The following COL1A1 variants were observed in gnomAD, a reference collection of about 807,000 sequenced individuals.
The protein encoded by COL1A1 is collagen type I alpha 1 chain, also known as collagen alpha-1(I) chain.
Under a neutral mutation model 195.7 loss-of-function variants are expected in COL1A1, and 21 were observed. The observed-to-expected ratio is 0.11, with a 90% CI of 0.08 to 0.15. The LOEUF (loss-of-function observed/expected upper bound fraction) is 0.15. Ranked by LOEUF, COL1A1 falls within the 10% of genes least tolerant of loss-of-function variation. The probability of loss-of-function intolerance (pLI) is 1.00; values close to 1 mark genes in which losing one functional copy is unlikely to be tolerated. For synonymous variants in COL1A1, 749 were observed against 747.3 expected (o/e 1.00, Z -0.04); for missense variants, 1,365 against 2,051.0 (o/e 0.67, Z 6.46).
Position 50,194,253 on chromosome 17 carries a change from G to C in COL1A1, c.1615-70C>G. On this transcript the variant is annotated intron_variant, in intron 23 of 50. Transcript: ENST00000225964. This position sits in a 1 kb window ranked among gnomAD's most constrained non-coding sequence, Gnocchi z 6.8. Reference sequence around the variant, plus strand: ...ATGGAGGTGGGGGAGGACTCCAGAGGGCAGACCCTTGGGCCTGATCCAGAA... The same window carrying C: ...ATGGAGGTGGGGGAGGACTCCAGAGCGCAGACCCTTGGGCCTGATCCAGAA... 1 of 1,589,700 alleles carries C rather than the reference G, an allele frequency of 6.3e-7. No homozygotes were observed.
rs1369038196 is a variant in COL1A1 at position 50,188,886 on chromosome 17, G to A, written c.3045+17C>T. ...GCCATGCTGAGGGTACTGGCATGGG[G>A]GCTGGGGACTGCTCACCTCACGTCC... is the stretch of plus-strand genomic sequence containing the variant. On this transcript the variant is annotated intron_variant, in intron 41 of 50. Coordinates refer to ENST00000225964, the MANE Select transcript of COL1A1 (RefSeq NM_000088.4). The surrounding 1 kb of genome is among the most constrained non-coding windows in gnomAD (Gnocchi z 5.6). 1 of 1,572,044 alleles carries A rather than the reference G, an allele frequency of 6.4e-7. No homozygotes were observed. The highest frequency in any genetic ancestry group is 1.1e-5 in the South Asian group (1 of 90,284).
rs1371248752 is a variant in COL1A1, at chr17:50,195,604, G to A, written c.1118C>T (p.Pro373Leu). Residue 373 changes from proline to leucine, a missense_variant, in exon 17 of 51, where the codon CCT becomes CTT. Physicochemically the swap from Pro to Leu is moderately conservative, Grantham distance 98. Transcript: ENST00000225964. The surrounding 1 kb of genome is among the most constrained non-coding windows in gnomAD (Gnocchi z 4.3). ...SEGPQGVRGE[P>L]GPPGPAGAAG... ...AGCACCAGCAGGGCCAGGGGGGCCA[G>A]GCTCACCACGCACACCCTGGGGACC... The A allele has an allele frequency of 6.2e-7, 1 of 1,614,032 alleles. No individual in the cohort carries two copies.
rs1402939428 is a variant in COL1A1, at chr17:50,190,075, G to T, written c.2485C>A (p.Pro829Thr). Residue 829 changes from proline to threonine, a missense_variant, in exon 36 of 51, where the codon CCT becomes ACT. By Grantham distance (38) the Pro-to-Thr change is conservative. Transcript: ENST00000225964. This position sits in a 1 kb window ranked among gnomAD's most constrained non-coding sequence, Gnocchi z 4.7. ...TCGCCTTTAGCACCAGCATCACCAGGTTCGCCTTTAGCACCAGGTTGGCCG... is the reference window on the plus strand; with the variant it reads ...TCGCCTTTAGCACCAGCATCACCAGTTTCGCCTTTAGCACCAGGTTGGCCG... ...ADGQPGAKGE[P>T]GDAGAKGDAG... 1 of 1,613,846 alleles carries T rather than the reference G, an allele frequency of 6.2e-7. No homozygotes were observed. The highest frequency in any genetic ancestry group is 8.5e-7 in the Non-Finnish European group (1 of 1,179,950).
intron 5 of COL1A1, chr17:50,198,833 TG>T: frequency 2.3e-6 from 1 of 430,528 alleles, no homozygotes. Flanking sequence ...GATCCCAGAT[TG>T]GGGTGGTGGG....
intron 29 of COL1A1, 157 bp from the exon 30 acceptor site, chr17:50,192,181 T>C: frequency 1.2e-6 from 1 of 841,590 alleles, no homozygotes; most frequent in Non-Finnish European, 1.9e-6. Context: ...CCTCTCTTCC[T>C]CCTAGGGATG....
At position 50,198,466 on chromosome 17, in the gene COL1A1, T is replaced by C; in HGVS notation, c.510A>G (p.Lys170=). The C allele has an allele frequency of 3.1e-6, 5 of 1,613,540 alleles. No homozygotes were observed. In the South Asian group the frequency reaches 5.5e-5, roughly 18 times the overall value. ...CAGGCACGGAAATTCCTCCGGTTGA[T>C]TTCTCATCATAGCCATAAGACAGCT... ...APQLSYGYDE[K]STGGISVPGP... is the part of the protein sequence containing the mutation. Residue 170 remains lysine, a synonymous_variant, in exon 6 of 51, where the codon AAA becomes AAG. Transcript: ENST00000225964.
rs1598283350 is a variant in COL1A1 at position 50,185,434 on chromosome 17, C to T, written c.*68G>A. The T allele has an allele frequency of 3.7e-6, 6 of 1,600,044 alleles. No individual in the cohort carries two copies. The highest frequency in any genetic ancestry group is 1.1e-5 in the South Asian group (1 of 90,754). ...TTTTGAGGGGGTTCAGTTTGGGTTG[C>T]TTGTCTGTTTCCGGGTTGGGGGGAA... On this transcript the variant is annotated 3_prime_UTR_variant, in exon 51 of 51. Coordinates refer to ENST00000225964, the MANE Select transcript of COL1A1 (RefSeq NM_000088.4).
intron 25 of COL1A1, 79 bp from the exon 26 acceptor site, chr17:50,193,126 T>A: frequency 7.1e-7 from 1 of 1,417,902 alleles, no homozygotes. Flanking sequence ...TTACTCTGAG[T>A]GGGACTTTTT....
rs766096094 is a variant in COL1A1 at position 50,196,268 on chromosome 17, C to T, written c.957+46G>A. On this transcript the variant is annotated intron_variant, in intron 14 of 50. Coordinates refer to ENST00000225964, the MANE Select transcript of COL1A1 (RefSeq NM_000088.4). Reference sequence around the variant, plus strand: ...GCCAGTCCCTAGAGTTCCTGGGGAGCCCCTTCCAGAGCTCAGGGATCCCCC... The same window carrying T: ...GCCAGTCCCTAGAGTTCCTGGGGAGTCCCTTCCAGAGCTCAGGGATCCCCC... 14 of 1,610,052 alleles carry T rather than the reference C, an allele frequency of 8.7e-6. No homozygotes were observed. The Admixed American group carries it at 1.2e-4, about 14-fold the overall frequency.
intron 32 of COL1A1, 29 bp downstream of exon 32, chr17:50,191,354 G>A: frequency 1.3e-6 from 2 of 1,587,090 alleles, no homozygotes; most frequent in South Asian, 1.1e-5. Context: ...GCCATGTAGG[G>A]CTCAGGGGAG....
In COL1A1 at chr17:50,186,917, G is replaced by A; in HGVS notation, c.3537C>T (p.Pro1179=). Residue 1179 remains proline (P), a synonymous_variant, in exon 48 of 51, where the codon CCC becomes CCT. Transcript: ENST00000225964. The surrounding 1 kb of genome is among the most constrained non-coding windows in gnomAD (Gnocchi z 5.3). The part of the protein sequence containing the change: ...GRTGDAGPVG[P]PGPPGPPGPP... Reference sequence around the variant, plus strand: ...GACCAGGAGGTCCAGGAGGGCCGGGGGGACCCTGCACAGAGAGGGAAGAGA... The same window carrying A: ...GACCAGGAGGTCCAGGAGGGCCGGGAGGACCCTGCACAGAGAGGGAAGAGA... 1.2e-6 allele frequency: 2 copies of A among 1,613,840 alleles called. No individual in the cohort carries two copies. Among genetic ancestry groups the A allele is most frequent in the Non-Finnish European group, 1.7e-6 (2 of 1,179,902 alleles).
At position 50,199,609 on chromosome 17, in the gene COL1A1, C is replaced by T; in HGVS notation, c.299-19G>A. The T allele has an allele frequency of 1.9e-6, 3 of 1,614,092 alleles. No homozygotes were observed. Among genetic ancestry groups the T allele is most frequent in the Non-Finnish European group, 2.5e-6 (3 of 1,179,978 alleles). Reference sequence around the variant, plus strand: ...GGTGACTCTAGGGGACGAAGAGACGCGCGTTAGAGCCAAGGTTTGCTAATG... The same window carrying T: ...GGTGACTCTAGGGGACGAAGAGACGTGCGTTAGAGCCAAGGTTTGCTAATG... On this transcript the variant is annotated intron_variant, in intron 2 of 50. Transcript: ENST00000225964.
At position 50,188,639 on chromosome 17, in the gene COL1A1, T is replaced by TGGCGG. The variant is rs35317638; in HGVS notation, c.3100-7_3100-3dup. 1 of 1,612,986 alleles carries TGGCGG rather than the reference T, an allele frequency of 6.2e-7. No homozygotes were observed. On this transcript the variant is annotated splice_region_variant and splice_polypyrimidine_tract_variant and intron_variant, in intron 42 of 50. Coordinates refer to ENST00000225964, the MANE Select transcript of COL1A1 (RefSeq NM_000088.4). The surrounding 1 kb of genome is among the most constrained non-coding windows in gnomAD (Gnocchi z 5.6). The stretch of plus-strand genomic sequence containing the variant: ...GGGGCCGGTCTCACCACGGTCACCC[T>TGGCGG]GGCGGGGAGAGCAGGGGAATATGGG...
chr17:50,192,241 G>T lies in COL1A1; in HGVS notation c.1984-217C>A, dbSNP rs2857395. The T allele has an allele frequency of 3.9e-5, 28 of 720,886 alleles. No individual in the cohort carries two copies. In the East Asian group the frequency reaches 6.7e-4, roughly 17 times the overall value. The allele number at this position is 720,886 out of a possible 1,614,324, so 44.7% of individuals were successfully genotyped here. On this transcript the variant is annotated intron_variant, in intron 29 of 50. Transcript: ENST00000225964. ...AACTATGGACCAAGATTTATCAATA[G>T]AAGGGTTGAGGGAAAGTCACAGCAT...
Position 50,190,720 on chromosome 17 carries a change from C to A in COL1A1, c.2343+97G>T. ...TTCCCAGGTTGACAGCTCAGTTTGGCAGGACCTGCTCTCCCAACGCAACCC... is the reference window on the plus strand; with the variant it reads ...TTCCCAGGTTGACAGCTCAGTTTGGAAGGACCTGCTCTCCCAACGCAACCC... On this transcript the variant is annotated intron_variant, in intron 33 of 50. Transcript: ENST00000225964. This position sits in a 1 kb window ranked among gnomAD's most constrained non-coding sequence, Gnocchi z 4.7. 6.7e-7 allele frequency: 1 copy of A among 1,481,618 alleles called. No individual in the cohort carries two copies. The highest frequency in any genetic ancestry group is 1.1e-5 in the South Asian group (1 of 87,290). 91.8% of individuals were successfully genotyped at this position (1,481,618 alleles called of 1,614,324 possible). A position where few individuals can be genotyped will look rare whatever the true frequency, so the allele number is the denominator to read the frequency against.
rs2144554932 is a variant in COL1A1, at chr17:50,190,461, G to A, written c.2398-81C>T. 6.3e-7 allele frequency: 1 copy of A among 1,585,408 alleles called. No homozygotes were observed. ...TGCGGTGAGGGGAGAGGCAAGGGGT[G>A]AAGGCACAGACAGGGCCAGGGGTGC... is the stretch of plus-strand genomic sequence containing the variant. On this transcript the variant is annotated intron_variant, in intron 34 of 50. Transcript: ENST00000225964. The surrounding 1 kb of genome is among the most constrained non-coding windows in gnomAD (Gnocchi z 4.7).
rs777883502 is a variant in COL1A1, at chr17:50,187,992, G to C, written c.3262-9C>G. On this transcript the variant is annotated splice_polypyrimidine_tract_variant and intron_variant, in intron 44 of 50. Transcript: ENST00000225964. The stretch of plus-strand genomic sequence containing the variant: ...CGGGGGCCTTGGGGTCCCTAGAAGA[G>C]AGAAAGGGACAAACTGTCAGGCGGA... The C allele has an allele frequency of 1.7e-5, 27 of 1,613,954 alleles. No homozygotes were observed. Among genetic ancestry groups the C allele is most frequent in the Non-Finnish European group, 7.6e-6 (9 of 1,179,972 alleles).
intron 1 of COL1A1, chr17:50,200,263 G>A: frequency 2.3e-6 from 1 of 430,090 alleles, no homozygotes. Flanking sequence ...GGGTGAGAGG[G>A]GGAGGGCGGG....
intron 2 of COL1A1, 51 bp from the exon 3 acceptor site, chr17:50,199,641 C>G (rs376935598): frequency 6.2e-7 from 1 of 1,613,346 alleles, no homozygotes. Flanking sequence ...AATGCTGCTC[C>G]CGTCGGCAGA....
Sources: gnomAD v4.1 joint callset for allele counts on GRCh38, gnomAD v4.1.1 for gene constraint, Gnocchi (gnomAD v3.1) non-coding constraint, MANE v1.5 for transcripts, NCBI Gene and HGNC (gene_info 2026-07-23, HGNC 2026-07-21) for gene names.